Variants in MAPK4 observed in about 807,000 individuals in gnomAD.
The protein encoded by MAPK4 is mitogen-activated protein kinase 4.
A neutral mutation model predicts 47.7 loss-of-function variants in MAPK4; 22 were observed. That is an observed-to-expected ratio of 0.46 (90% CI 0.33 to 0.66). MAPK4 has a LOEUF of 0.66. MAPK4 is among the 30% of genes least tolerant of loss of function. MAPK4 has a pLI of 0.02. For synonymous variants in MAPK4, 390 were observed against 365.7 expected, an observed-to-expected ratio of 1.07 and a Z score of -0.76; for missense variants, 736 against 831.7, an observed-to-expected ratio of 0.88 and a Z score of 1.42.
intron 3 of MAPK4, among the ~76,000 whole-genome samples, chr18:50,717,269 C>A (rs1910689341): frequency 6.6e-6 from 1 of 152,172 alleles, no homozygotes; most frequent in Non-Finnish European, 1.5e-5. Context: ...GTGGCAGACG[C>A]TGGGGAGCTG....
chr18:50,706,660 G>A (rs986461235), intron 2 of MAPK4, among the ~76,000 whole-genome samples: 2 of 152,144 alleles, frequency 1.3e-5, no homozygotes, highest in Admixed American at 6.5e-5. Context: ...GCCTAGCAGG[G>A]CTTCTCACTT....
At chr18:50,581,938 G>A (rs1745138855) in intron 1 of MAPK4, among the ~76,000 whole-genome samples, 2 of 152,136 alleles carry the variant, frequency 1.3e-5, no homozygotes, top group Non-Finnish European at 2.9e-5. Flanking sequence ...ATCTATTGAT[G>A]AGACTTCTGC....
chr18:50,725,977 A>G lies in MAPK4; in HGVS notation c.869A>G (p.Glu290Gly), dbSNP rs1376773153. The G allele has an allele frequency of 4.3e-6, 7 of 1,614,050 alleles. No individual in the cohort carries two copies. Among genetic ancestry groups the G allele is most frequent in the Non-Finnish European group, 5.9e-6 (7 of 1,180,034 alleles). Residue 290 changes from glutamate to glycine, a missense_variant, in exon 5 of 6, where the codon GAG becomes GGG. By Grantham distance (98) the Glu-to-Gly change is moderately conservative. Transcript: ENST00000400384. ...EVNSEAIDFL[E>G]KILTFNPMDR... ...CTCCCTGCAGCCATCGACTTTCTGG[A>G]GAAGATCCTGACCTTTAACCCCATG...
chr18:50,687,954 T>C (rs558495836), intron 2 of MAPK4, among the ~76,000 whole-genome samples: 2 of 152,280 alleles, frequency 1.3e-5, no homozygotes, highest in East Asian at 3.9e-4. Context: ...AGATCAGGAC[T>C]GACCAGGCAC....
Position 50,695,338 on chromosome 18 carries a change from TAAAA to T in MAPK4, c.547-19718_547-19715del, listed in dbSNP as rs59857315. On this transcript the variant is annotated intron_variant, in intron 2 of 5. Transcript: ENST00000400384. The stretch of plus-strand genomic sequence containing the variant: ...CCTGGCCTAGGTCAAGGCTCCATCT[TAAAA>T]AAAAAAAAAAAAAAAAAAAAAAGAT... Among the ~76,000 whole-genome samples, 515 of 84,686 alleles carry T rather than the reference TAAAA, an allele frequency of 6.1e-3. 6 individuals carry two copies. The highest frequency in any genetic ancestry group is 0.017 in the African/African-American group (372 of 22,086). The allele number at this position is 84,686 out of a possible 152,430, so 55.6% of individuals were successfully genotyped here.
intron 1 of MAPK4, among the ~76,000 whole-genome samples, chr18:50,647,815 C>A (rs889685313): frequency 2.0e-5 from 3 of 152,082 alleles, no homozygotes; most frequent in Admixed American, 2.0e-4. Context: ...CCTCTTAAGC[C>A]TCTGCTGTCA....
intron 1 of MAPK4, among the ~76,000 whole-genome samples, chr18:50,573,926 T>C (rs2042272265): frequency 6.6e-6 from 1 of 152,226 alleles, no homozygotes; most frequent in Admixed American, 6.5e-5. Context: ...ATTTCCATTT[T>C]ACAGAGGGGA....
At chr18:50,691,365 A>G (rs1909207966) in intron 2 of MAPK4, among the ~76,000 whole-genome samples, 2 of 152,178 alleles carry the variant, frequency 1.3e-5, no homozygotes, top group South Asian at 4.1e-4. Flanking sequence ...TGAACTGGCC[A>G]GGAAGGCAAA....
chr18:50,675,536 G>A (rs1370211871), intron 2 of MAPK4, among the ~76,000 whole-genome samples: 1 of 151,818 alleles, frequency 6.6e-6, no homozygotes, highest in Non-Finnish European at 1.5e-5. Context: ...TCTGTTGCCA[G>A]GCTGGAGTGC....
At chr18:50,687,166 C>T (rs1772764466) in intron 2 of MAPK4, among the ~76,000 whole-genome samples, 2 of 152,136 alleles carry the variant, frequency 1.3e-5, no homozygotes, top group South Asian at 4.1e-4. Context: ...AAGGAAACAT[C>T]ATGTGTCACC....
chr18:50,683,128 T>G (rs1908675923), intron 2 of MAPK4, among the ~76,000 whole-genome samples: 1 of 152,148 alleles, frequency 6.6e-6, no homozygotes, highest in African/African-American at 2.4e-5. Flanking sequence ...TGTTCTTTTT[T>G]TTTTCTTTTG....
At chr18:50,672,649 G>T (rs1908023082) in intron 2 of MAPK4, among the ~76,000 whole-genome samples, 1 of 152,134 alleles carries the variant, frequency 6.6e-6, no homozygotes, top group African/African-American at 2.4e-5. Context: ...ACCCCACTGA[G>T]CTTGGGGTGA....
intron 2 of MAPK4, among the ~76,000 whole-genome samples, chr18:50,681,163 C>T (rs1006379021): frequency 1.3e-5 from 2 of 151,964 alleles, no homozygotes; most frequent in East Asian, 1.9e-4. Flanking sequence ...TGGCTGATGA[C>T]GTTGAACATC....
chr18:50,625,446 C>G (rs2042768601), intron 1 of MAPK4, among the ~76,000 whole-genome samples: 1 of 152,162 alleles, frequency 6.6e-6, no homozygotes. Flanking sequence ...AGCTTCCTCC[C>G]TCCAAAGACC....
intron 1 of MAPK4, among the ~76,000 whole-genome samples, chr18:50,638,126 T>C (rs1296718048): frequency 6.6e-6 from 1 of 152,210 alleles, no homozygotes; most frequent in South Asian, 2.1e-4. Context: ...GCTCTATTCC[T>C]GGCTAATGAT....
At chr18:50,588,755 C>T (rs2042409895) in intron 1 of MAPK4, among the ~76,000 whole-genome samples, 1 of 152,100 alleles carries the variant, frequency 6.6e-6, no homozygotes, top group Non-Finnish European at 1.5e-5. Flanking sequence ...GGGGTTTCAC[C>T]ATGTTGCCCA....
intron 1 of MAPK4, among the ~76,000 whole-genome samples, chr18:50,657,082 C>G (rs903425580): frequency 1.3e-5 from 2 of 152,190 alleles, no homozygotes; most frequent in Non-Finnish European, 2.9e-5. Flanking sequence ...GCTGCAGCAC[C>G]AACACCACTT....
intron 1 of MAPK4, among the ~76,000 whole-genome samples, chr18:50,593,113 A>G (rs1362337388): frequency 6.6e-6 from 1 of 152,240 alleles, no homozygotes; most frequent in Non-Finnish European, 1.5e-5. Flanking sequence ...ACTGGAACAC[A>G]GGCAACCAGC....
intron 1 of MAPK4, among the ~76,000 whole-genome samples, chr18:50,627,620 G>A (rs926465631): frequency 1.1e-4 from 17 of 152,194 alleles, no homozygotes; most frequent in African/African-American, 3.4e-4. Flanking sequence ...TTACAGCATT[G>A]AACAAACTTC....
Sources: gnomAD v4.1 joint callset for allele counts (sites outside exome capture counted in the v4.1 genomes callset) on GRCh38, gnomAD v4.1.1 for gene constraint, MANE v1.5 for transcripts, NCBI Gene and HGNC (gene_info 2026-07-23, HGNC 2026-07-21) for gene names.